The following CDC25A variants were observed in gnomAD, a reference collection of about 807,000 sequenced individuals.
CDC25A encodes M-phase inducer phosphatase 1.
In CDC25A, 17 loss-of-function variants were observed where a neutral mutation model predicts 64.6. The ratio of observed to expected loss-of-function variants is 0.26; its 90% CI spans 0.18 to 0.39. CDC25A has a LOEUF of 0.39. Among genes scored for constraint, CDC25A ranks in the 10% least tolerant of loss-of-function variants. CDC25A has a pLI of 1.00. For synonymous variants in CDC25A, 229 were observed against 238.6 expected, an observed-to-expected ratio of 0.96 and a Z score of 0.37; for missense variants, 473 against 654.8, an observed-to-expected ratio of 0.72 and a Z score of 3.03.
intron 2 of CDC25A, 99 bp from the exon 3 acceptor site, chr3:48,184,794 G>T: frequency 1.2e-6 from 1 of 814,918 alleles, no homozygotes; most frequent in Non-Finnish European, 1.9e-6. Context: ...CTTTATTTAA[G>T]TCAGGCAACA....
chr3:48,174,617 C>T (rs1024889087), intron 8 of CDC25A, 160 bp from the exon 9 acceptor site: 22 of 638,026 alleles, frequency 3.4e-5, no homozygotes, highest in Middle Eastern at 3.9e-4. Flanking sequence ...TCTCACAGGG[C>T]CTGGCACATA....
intron 2 of CDC25A, among the ~76,000 whole-genome samples, chr3:48,185,915 C>A (rs1440230973): frequency 6.6e-6 from 1 of 152,170 alleles, no homozygotes; most frequent in Admixed American, 6.5e-5. Context: ...CATACAGAAG[C>A]CTACATTACA....
chr3:48,163,218 G>T (rs927043785), intron 13 of CDC25A, among the ~76,000 whole-genome samples: 1 of 150,934 alleles, frequency 6.6e-6, no homozygotes, highest in Non-Finnish European at 1.5e-5. Flanking sequence ...AGGAGGTGGA[G>T]GTTGCAGTGA....
At chr3:48,162,847 CA>C (rs113100105) in intron 13 of CDC25A, among the ~76,000 whole-genome samples, 281 of 118,304 alleles carry the variant, frequency 2.4e-3, no homozygotes, top group Middle Eastern at 5.0e-3. Flanking sequence ...GACTCCGTCT[CA>C]AAAAAAAAAA....
At chr3:48,164,610 T>C (rs1305622904) in intron 12 of CDC25A, among the ~76,000 whole-genome samples, 173 bp from the exon 13 acceptor site, 1 of 152,166 alleles carries the variant, frequency 6.6e-6, no homozygotes, top group African/African-American at 2.4e-5. Flanking sequence ...TGTATCTCAA[T>C]GGAGCTTTGT....
At chr3:48,182,337 C>T (rs941861770) in intron 5 of CDC25A, among the ~76,000 whole-genome samples, 1 of 152,066 alleles carries the variant, frequency 6.6e-6, no homozygotes, top group African/African-American at 2.4e-5. Flanking sequence ...AGAGAGAAGG[C>T]TGAAAAAATT....
intron 6 of CDC25A, among the ~76,000 whole-genome samples, chr3:48,180,104 T>G (rs1014218939): frequency 6.6e-6 from 1 of 151,874 alleles, no homozygotes; most frequent in Non-Finnish European, 1.5e-5. Context: ...TTAAAAAAAT[T>G]AAAAATAAAA....
intron 3 of CDC25A, 70 bp downstream of exon 3, chr3:48,184,583 T>C: frequency 1.9e-6 from 2 of 1,057,406 alleles, no homozygotes; most frequent in Non-Finnish European, 2.8e-6. Context: ...AAGAACTTCA[T>C]TTAAATAAGG....
chr3:48,176,210 C>T lies in CDC25A; in HGVS notation c.756+1161G>A, dbSNP rs193230843. On this transcript the variant is annotated intron_variant, in intron 8 of 14. Transcript: ENST00000302506. The stretch of plus-strand genomic sequence containing the variant: ...AAACAAACAAACAAAAAAACTGTAG[C>T]TCATTTGTTCTGTAATTATAGTTCA... Among the ~76,000 whole-genome samples the T allele has an allele frequency of 4.6e-5, 7 of 152,044 alleles. No homozygotes were observed. In the East Asian group the frequency reaches 1.4e-3, roughly 29 times the overall value.
At chr3:48,176,828 G>A (rs2032480754) in intron 8 of CDC25A, among the ~76,000 whole-genome samples, 2 of 151,544 alleles carry the variant, frequency 1.3e-5, no homozygotes, top group Non-Finnish European at 2.9e-5. Flanking sequence ...AAGATTAGCT[G>A]GGTGTGGTGG....
chr3:48,159,197 C>T (rs2031646791), intron 14 of CDC25A, 112 bp from the exon 15 acceptor site: 1 of 1,389,490 alleles, frequency 7.2e-7, no homozygotes, highest in South Asian at 1.3e-5. Flanking sequence ...ACCTAGGGAG[C>T]CAGTTCTACA....
At chr3:48,166,528 T>C (rs774020087) in intron 10 of CDC25A, among the ~76,000 whole-genome samples, 9 of 152,244 alleles carry the variant, frequency 5.9e-5, no homozygotes, top group South Asian at 2.1e-4. Flanking sequence ...AGACTGCGAA[T>C]AGCACTTAAA....
At chr3:48,164,205 T>G in intron 13 of CDC25A, 102 bp downstream of exon 13, 1 of 1,148,786 alleles carries the variant, frequency 8.7e-7, no homozygotes, top group Non-Finnish European at 1.2e-6. Flanking sequence ...AGAGGTTGCT[T>G]GATATGCTAA....
At chr3:48,181,788 A>G (rs965303866) in intron 5 of CDC25A, 2 of 613,022 alleles carry the variant, frequency 3.3e-6, no homozygotes, top group Non-Finnish European at 2.9e-6. Context: ...AACCATGAAG[A>G]ATCAAAAAAA....
In CDC25A at chr3:48,188,140, G is replaced by A; in HGVS notation, c.-193C>T. 1 of 383,880 alleles carries A rather than the reference G, an allele frequency of 2.6e-6. No homozygotes were observed. The highest frequency in any genetic ancestry group is 4.4e-6 in the Non-Finnish European group (1 of 225,396). 23.8% of individuals were successfully genotyped at this position (383,880 alleles called of 1,614,324 possible). A position where few individuals can be genotyped will look rare whatever the true frequency, so the allele number is the denominator to read the frequency against. On this transcript the variant is annotated 5_prime_UTR_variant, in exon 1 of 15. Transcript: ENST00000302506. ...CCGGGCGGGTGTGCGGACCCTCCAG[G>A]CGCCAGCCACCAGCCACAGGCACGG...
Position 48,186,714 on chromosome 3 carries a change from G to T in CDC25A, c.236C>A (p.Ser79Ter). The T allele has an allele frequency of 6.3e-7, 1 of 1,595,424 alleles. No individual in the cohort carries two copies. The highest frequency in any genetic ancestry group is 1.1e-5 in the South Asian group (1 of 89,254). Reference sequence around the variant, plus strand: ...GCAGACTTAAATACCTGAATCTGTTGACTCGGAGGAGCCCATTCTCTGCAG... The same window carrying T: ...GCAGACTTAAATACCTGAATCTGTTTACTCGGAGGAGCCCATTCTCTGCAG... The part of the protein sequence containing the change: ...SNLQRMGSSE[S>*]TDSGFCLDSP... The change falls in exon 2 of 15, where the codon TCA becomes TAA. Residue 79 changes from serine to a stop codon, truncating the protein, a stop_gained. Coordinates refer to ENST00000302506, the MANE Select transcript of CDC25A (RefSeq NM_001789.3). LOFTEE classifies it high-confidence loss of function.
chr3:48,179,779 AC>A (rs2032594823), intron 6 of CDC25A, among the ~76,000 whole-genome samples: 2 of 152,352 alleles, frequency 1.3e-5, no homozygotes, highest in African/African-American at 4.8e-5. Flanking sequence ...ACTTCACAAG[AC>A]AAGAACATAT....
At chr3:48,165,969 G>T in intron 10 of CDC25A, 76 bp from the exon 11 acceptor site, 1 of 1,009,458 alleles carries the variant, frequency 9.9e-7, no homozygotes, top group South Asian at 1.4e-5. Context: ...TTGTCTGGCT[G>T]GTAGGAGGCA....
At chr3:48,168,072 A>G (rs2032105794) in intron 9 of CDC25A, 128 bp from the exon 10 acceptor site, 1 of 571,882 alleles carries the variant, frequency 1.7e-6, no homozygotes, top group African/African-American at 1.9e-5. Context: ...TTTTTATTTT[A>G]TTTTATTGAA....
Sources: gnomAD v4.1 joint callset for allele counts (sites outside exome capture counted in the v4.1 genomes callset) on GRCh38, gnomAD v4.1.1 for gene constraint, MANE v1.5 for transcripts, NCBI Gene and HGNC (gene_info 2026-07-23, HGNC 2026-07-21) for gene names.